LRRC7: variants seen among roughly 807,000 people sequenced by gnomAD.
The protein encoded by LRRC7 is leucine-rich repeat-containing protein 7.
Under a neutral mutation model 175.7 loss-of-function variants are expected in LRRC7, and 23 were observed. That is an observed-to-expected ratio of 0.13 (90% CI 0.09 to 0.19). The LOEUF (loss-of-function observed/expected upper bound fraction) is 0.19. Ranked by LOEUF, LRRC7 falls within the 10% of genes least tolerant of loss-of-function variation. The pLI, the probability that LRRC7 is intolerant of heterozygous loss-of-function variation, is 1.00. For missense variants in LRRC7, 1,354 were observed against 1,904.7 expected (o/e 0.71, Z 5.38); for synonymous variants, 685 against 680.9 (o/e 1.01, Z -0.09).
chr1:69,849,213 A>G (rs1352988211), intron 7 of LRRC7, among the ~76,000 whole-genome samples: 1 of 152,030 alleles, frequency 6.6e-6, no homozygotes, highest in Non-Finnish European at 1.5e-5. Flanking sequence ...AGCTGTTTAC[A>G]TTTATGTTCA....
At chr1:69,759,614 T>C (rs1670815907) in intron 2 of LRRC7, among the ~76,000 whole-genome samples, 1 of 152,006 alleles carries the variant, frequency 6.6e-6, no homozygotes, top group South Asian at 2.1e-4. Flanking sequence ...AAAAACTCCA[T>C]GAAAACAGGG....
intron 1 of LRRC7, among the ~76,000 whole-genome samples, chr1:69,619,456 G>A (rs1179247845): frequency 6.6e-6 from 1 of 152,096 alleles, no homozygotes; most frequent in Non-Finnish European, 1.5e-5. Context: ...GAAGAAATGG[G>A]AACTACATGT....
At chr1:69,842,909 C>T (rs1163660850) in intron 7 of LRRC7, among the ~76,000 whole-genome samples, 1 of 151,926 alleles carries the variant, frequency 6.6e-6, no homozygotes, top group Non-Finnish European at 1.5e-5. Flanking sequence ...ATCAAAATAC[C>T]TAGTATTGGC....
intron 11 of LRRC7, among the ~76,000 whole-genome samples, chr1:69,996,421 T>C (rs559621925): frequency 7.2e-5 from 11 of 152,204 alleles, no homozygotes; most frequent in African/African-American, 2.6e-4. Flanking sequence ...CATTTGTCAA[T>C]TTTGTCTTTT....
chr1:69,817,086 A>G (rs1370527319), intron 4 of LRRC7, among the ~76,000 whole-genome samples: 1 of 152,098 alleles, frequency 6.6e-6, no homozygotes, highest in Admixed American at 6.6e-5. Context: ...TTTGCTGTGC[A>G]AAAACCTTTT....
intron 4 of LRRC7, among the ~76,000 whole-genome samples, chr1:69,818,312 C>T (rs1678836913): frequency 6.6e-6 from 1 of 151,798 alleles, no homozygotes; most frequent in African/African-American, 2.4e-5. Context: ...TGGAGAGTTT[C>T]ATTATGAAAG....
chr1:69,652,932 A>G (rs1331939434), intron 1 of LRRC7, among the ~76,000 whole-genome samples: 1 of 152,086 alleles, frequency 6.6e-6, no homozygotes, highest in Non-Finnish European at 1.5e-5. Flanking sequence ...GAATACCCAC[A>G]CACAAAAATC....
chr1:70,118,037 T>C (rs188102718), intron 26 of LRRC7, among the ~76,000 whole-genome samples: 1 of 150,634 alleles, frequency 6.6e-6, no homozygotes, highest in African/African-American at 2.4e-5. Flanking sequence ...AGTACCACCA[T>C]TTATTTCCTC....
intron 11 of LRRC7, among the ~76,000 whole-genome samples, chr1:70,010,091 T>C (rs1656364172): frequency 1.3e-5 from 2 of 152,220 alleles, no homozygotes; most frequent in East Asian, 3.8e-4. Context: ...AAAATCTGCT[T>C]TGTTTTTTGA....
intron 2 of LRRC7, among the ~76,000 whole-genome samples, chr1:69,717,770 A>AAAAGAAAGAAAGAAAGAAAGAAG (rs1665560806): frequency 4.7e-5 from 2 of 42,392 alleles, no homozygotes; most frequent in African/African-American, 1.1e-4. Context: ...AAAAAAGAAA[A>AAAAGAAAGAAAGAAAGAAAGAAG]AAAGAAAGAA....
chr1:70,095,603 C>T (rs1301105539), intron 25 of LRRC7, among the ~76,000 whole-genome samples: 1 of 151,912 alleles, frequency 6.6e-6, no homozygotes, highest in Non-Finnish European at 1.5e-5. Flanking sequence ...CATGCTTTAG[C>T]CAATTGAAAA....
At chr1:70,089,950 A>T in intron 25 of LRRC7, 131 bp downstream of exon 25, 1 of 597,114 alleles carries the variant, frequency 1.7e-6, no homozygotes, top group Non-Finnish European at 2.8e-6. Flanking sequence ...GAAGCCAATT[A>T]GAAACTTTTT....
At chr1:69,960,276 A>T (rs1650915304) in intron 8 of LRRC7, among the ~76,000 whole-genome samples, 1 of 151,894 alleles carries the variant, frequency 6.6e-6, no homozygotes, top group Non-Finnish European at 1.5e-5. Context: ...GTGCTTAGAG[A>T]TGTTTATAAT....
At chr1:69,732,794 G>C (rs941423164) in intron 2 of LRRC7, among the ~76,000 whole-genome samples, 21 of 152,084 alleles carry the variant, frequency 1.4e-4, no homozygotes, top group African/African-American at 4.8e-4. Flanking sequence ...TGAGGATGGG[G>C]CTGCAACTGA....
intron 1 of LRRC7, among the ~76,000 whole-genome samples, chr1:69,670,466 C>T (rs1658912415): frequency 6.6e-6 from 1 of 152,122 alleles, no homozygotes; most frequent in South Asian, 2.1e-4. Flanking sequence ...CTGGATCAGA[C>T]CTAAAGCCAG....
At chr1:69,759,264 T>C (rs760855055) in intron 2 of LRRC7, among the ~76,000 whole-genome samples, 5 of 152,060 alleles carry the variant, frequency 3.3e-5, no homozygotes, top group African/African-American at 7.2e-5. Context: ...TATTCTACAA[T>C]TGTTGTTAAA....
At chr1:69,687,520 C>CAAAAAAAAAAAAAAAAAAAAAAAAA (rs551726376) in intron 2 of LRRC7, among the ~76,000 whole-genome samples, 23 of 96,752 alleles carry the variant, frequency 2.4e-4, no homozygotes, top group Non-Finnish European at 3.1e-4. Context: ...AAGAAAAAAC[C>CAAAAAAAAAAAAAAAAAAAAAAAAA]AAAAAAAAAA....
At chr1:69,833,500 G>A (rs1310206475) in intron 5 of LRRC7, among the ~76,000 whole-genome samples, 2 of 151,772 alleles carry the variant, frequency 1.3e-5, no homozygotes, top group Non-Finnish European at 2.9e-5. Flanking sequence ...TCTTTTATAC[G>A]TATATGTACG....
At chr1:69,579,700 T>A (rs1348580135) in intron 1 of LRRC7, among the ~76,000 whole-genome samples, 1 of 152,134 alleles carries the variant, frequency 6.6e-6, no homozygotes, top group African/African-American at 2.4e-5. Context: ...CTCAATTCCT[T>A]CTTCTCCTCC....
Sources: allele counts gnomAD v4.1 joint callset (sites outside exome capture counted in the v4.1 genomes callset), GRCh38; gene constraint gnomAD v4.1.1; transcripts MANE v1.5; gene names NCBI Gene and HGNC (gene_info 2026-07-23, HGNC 2026-07-21).